Variants in PLAAT5 observed in about 807,000 individuals in gnomAD.
PLAAT5 encodes the protein phospholipase A and acyltransferase 5, also known as Ca(2+)-independent N-acyltransferase.
A neutral mutation model predicts 27.8 loss-of-function variants in PLAAT5; 27 were observed. The observed-to-expected ratio is 0.97, with a 90% CI of 0.72 to 1.34. PLAAT5 has a LOEUF of 1.34. PLAAT5 is among the 40% of genes most tolerant of loss of function. PLAAT5 has a pLI of 0.00. For missense variants in PLAAT5, 368 were observed against 343.8 expected (o/e 1.07, Z -0.56); for synonymous variants, 125 against 136.1 (o/e 0.92, Z 0.57).
rs148718280 is a variant in PLAAT5, at chr11:63,466,307, G to A, written c.520C>T (p.Arg174Cys). 2.9e-3 allele frequency: 4,741 copies of A among 1,614,118 alleles called. 13 individuals carry two copies. Among genetic ancestry groups the A allele is most frequent in the Non-Finnish European group, 3.2e-3 (3,826 of 1,180,002 alleles). The change falls in exon 5 of 6, where the codon CGT (arginine) becomes TGT (cysteine). Residue 174 changes from arginine to cysteine, a missense_variant. Arg to Cys is a radical substitution (Grantham distance 180). Transcript: ENST00000540857. ...CAGCCATGCAGCACATCCTCCAGAC[G>A]ACTGTATTTCACCACGGCCCGATTG... ...FSNRAVVKYS[R>C]LEDVLHGCSW...
chr11:63,478,264 G>C (rs924848926), intron 3 of PLAAT5, among the ~76,000 whole-genome samples: 5 of 151,912 alleles, frequency 3.3e-5, no homozygotes, highest in African/African-American at 4.8e-5. Context: ...AGCTGGAGGT[G>C]AAGGGGCAAT....
intron 3 of PLAAT5, among the ~76,000 whole-genome samples, chr11:63,486,008 C>A (rs184031753): frequency 6.6e-6 from 1 of 151,960 alleles, no homozygotes; most frequent in Non-Finnish European, 1.5e-5. Flanking sequence ...TACAAATGGC[C>A]AACAAACATA....
At chr11:63,469,108 G>A (rs1401760403) in intron 3 of PLAAT5, among the ~76,000 whole-genome samples, 1 of 127,704 alleles carries the variant, frequency 7.8e-6, no homozygotes, top group African/African-American at 3.7e-5. Flanking sequence ...ATTATCGTGT[G>A]TGTGTGTGTG....
At chr11:63,481,285 C>CTAGTTTTAGTCTCTACT (rs2016278603) in intron 3 of PLAAT5, among the ~76,000 whole-genome samples, 8 of 152,108 alleles carry the variant, frequency 5.3e-5, no homozygotes, top group Admixed American at 5.2e-4. Context: ...ACTAAAACTA[C>CTAGTTTTAGTCTCTACT]AAAAATTAGT....
chr11:63,463,281 A>G lies in PLAAT5; in HGVS notation c.*222T>C, dbSNP rs893123574. 17 of 573,664 alleles carry G rather than the reference A, an allele frequency of 3.0e-5. No individual in the cohort carries two copies. The highest frequency in any genetic ancestry group is 1.5e-4 in the Admixed American group (5 of 33,672). The allele number at this position is 573,664 out of a possible 1,614,324, so 35.5% of individuals were successfully genotyped here. On this transcript the variant is annotated 3_prime_UTR_variant, in exon 6 of 6. Transcript: ENST00000540857. ...TGCCTAGCACAGTGCCTGGCGCATA[A>G]GAGATACACACTAGATACCAGATCC...
At chr11:63,468,566 G>C (rs897191853) in intron 3 of PLAAT5, 101 bp from the exon 4 acceptor site, 51 of 801,844 alleles carry the variant, frequency 6.4e-5, no homozygotes, top group African/African-American at 6.1e-4. Flanking sequence ...CCCTCAGTGT[G>C]GTTCATCACT....
At chr11:63,479,863 G>A (rs1027381171) in intron 3 of PLAAT5, among the ~76,000 whole-genome samples, 2 of 152,238 alleles carry the variant, frequency 1.3e-5, no homozygotes, top group African/African-American at 4.8e-5. Context: ...TCAGGGTGAA[G>A]GAAATGGCAG....
chr11:63,467,204 C>T (rs970754059), intron 4 of PLAAT5, among the ~76,000 whole-genome samples: 7 of 151,942 alleles, frequency 4.6e-5, no homozygotes, highest in African/African-American at 1.7e-4. Flanking sequence ...TAAAAGCTGG[C>T]AATAGATAAT....
intron 3 of PLAAT5, 119 bp from the exon 4 acceptor site, chr11:63,468,584 A>C (rs1002635679): frequency 3.5e-5 from 24 of 694,266 alleles, no homozygotes; most frequent in Non-Finnish European, 5.5e-5. Flanking sequence ...ACTTCACAGA[A>C]ACCCAAGCTA....
In PLAAT5 at chr11:63,490,991, A is replaced by C. The variant is rs1455508814; in HGVS notation, c.44T>G (p.Leu15Arg). ...PGAEGEYALR[L>R]PRIPPPLPKP... ...GGGGAGGGGTGGGGGAATCCTAGGG[A>C]GGCGGAGCGCGTACTCCCCCTCGGC... Residue 15 changes from leucine (L) to arginine (R), a missense_variant, in exon 1 of 6, where the codon CTC becomes CGC. Physicochemically the swap from Leu to Arg is moderately radical, Grantham distance 102. Transcript: ENST00000540857. 1.3e-6 allele frequency: 2 copies of C among 1,555,058 alleles called. No individual in the cohort carries two copies. Among genetic ancestry groups the C allele is most frequent in the East Asian group, 2.4e-5 (1 of 40,910 alleles).
chr11:63,489,067 G>T (rs775056985), intron 2 of PLAAT5, 91 bp from the exon 3 acceptor site: 10 of 932,988 alleles, frequency 1.1e-5, no homozygotes, highest in Non-Finnish European at 1.7e-5. Context: ...TTTTAAGATG[G>T]CTTTTGGTTT....
At position 63,490,886 on chromosome 11, in the gene PLAAT5, C is replaced by A; in HGVS notation, c.148+1G>T. ...CCTTCAGCCGCATTCTTGGGGCTGA[C>A]CTGAGTGGGGCACAGCTGAACGTCT... is the stretch of plus-strand genomic sequence containing the variant. On this transcript the variant is annotated splice_donor_variant, in intron 1 of 5. Transcript: ENST00000540857. LOFTEE classifies it high-confidence loss of function. 6.2e-7 allele frequency: 1 copy of A among 1,603,030 alleles called. No individual in the cohort carries two copies. Among genetic ancestry groups the A allele is most frequent in the Non-Finnish European group, 8.5e-7 (1 of 1,175,280 alleles).
chr11:63,467,335 G>A (rs1317683008), intron 4 of PLAAT5, among the ~76,000 whole-genome samples: 2 of 152,142 alleles, frequency 1.3e-5, no homozygotes, highest in Non-Finnish European at 2.9e-5. Context: ...GACTTAGTCT[G>A]GAAAGAAGAG....
chr11:63,467,204 C>A (rs970754059), intron 4 of PLAAT5, among the ~76,000 whole-genome samples: 2 of 151,942 alleles, frequency 1.3e-5, no homozygotes, highest in Non-Finnish European at 2.9e-5. Flanking sequence ...TAAAAGCTGG[C>A]AATAGATAAT....
intron 4 of PLAAT5, 123 bp downstream of exon 4, chr11:63,468,234 G>T: frequency 1.3e-6 from 1 of 749,204 alleles, no homozygotes; most frequent in African/African-American, 1.7e-5. Flanking sequence ...CAAAGGTCCA[G>T]TCATGCTTCA....
chr11:63,466,200 C>T lies in PLAAT5; in HGVS notation c.627G>A (p.Met209Ile). Residue 209 changes from methionine to isoleucine, a missense_variant, in exon 5 of 6, where the codon ATG (methionine) becomes ATA (isoleucine). By Grantham distance (10) the Met-to-Ile change is conservative (BLOSUM62 1). Coordinates refer to ENST00000540857, the MANE Select transcript of PLAAT5 (RefSeq NM_001146729.2). Reference protein sequence around the residue: ...VDKIIQRTKKMVNKIVQYSLI... With the variant: ...VDKIIQRTKKIVNKIVQYSLI... ...GGCTGTACTGCACGATCTTGTTGAC[C>T]ATCTTTTTTGTACGCTGGATGATCT... 1 of 1,614,116 alleles carries T rather than the reference C, an allele frequency of 6.2e-7. No homozygotes were observed. Among genetic ancestry groups the T allele is most frequent in the Non-Finnish European group, 8.5e-7 (1 of 1,180,022 alleles).
chr11:63,466,027 G>A, intron 5 of PLAAT5, 83 bp downstream of exon 5: 1 of 1,386,282 alleles, frequency 7.2e-7, no homozygotes, highest in Non-Finnish European at 9.9e-7. Flanking sequence ...TGAAAGCCCT[G>A]ATTACCATTC....
intron 5 of PLAAT5, among the ~76,000 whole-genome samples, chr11:63,465,314 C>T (rs2015830320): frequency 6.6e-6 from 1 of 151,370 alleles, no homozygotes; most frequent in Admixed American, 6.6e-5. Context: ...TGAGAACCTA[C>T]ATCTTTTTAT....
At position 63,482,811 on chromosome 11, in the gene PLAAT5, A is replaced by G. The variant is rs1441083720; in HGVS notation, c.345+6060T>C. Among the ~76,000 whole-genome samples the G allele has an allele frequency of 1.3e-5, 2 of 152,226 alleles. 1 individual carries two copies. The highest frequency in any genetic ancestry group is 2.9e-5 in the Non-Finnish European group (2 of 68,042). On this transcript the variant is annotated intron_variant, in intron 3 of 5. Transcript: ENST00000540857. ...CCTAAATGCTCCACTTAAAGGATAC[A>G]GAATGGCAGAATGGATTAAAATCCA...
Sources: allele counts gnomAD v4.1 joint callset (sites outside exome capture counted in the v4.1 genomes callset), GRCh38; gene constraint gnomAD v4.1.1; transcripts MANE v1.5; gene names NCBI Gene and HGNC (gene_info 2026-07-23, HGNC 2026-07-21).